Variants in TEX19 observed in about 807,000 individuals in gnomAD.
TEX19 encodes the protein testis expressed 19, also known as testis-expressed protein 19.
For missense variants in TEX19, 184 were observed against 194.4 expected (o/e 0.95, Z 0.32); for synonymous variants, 77 against 73.9 (o/e 1.04, Z -0.21).
chr17:82,360,540 T>C (rs1444545997), intron 1 of TEX19, among the ~76,000 whole-genome samples: 5 of 65,440 alleles, frequency 7.6e-5, no homozygotes, highest in East Asian at 6.1e-4. Context: ...CCAGTTTCCC[T>C]CAGTTTCCCC....
At chr17:82,360,288 C>T (rs1415564697) in intron 1 of TEX19, among the ~76,000 whole-genome samples, 18 of 98,526 alleles carry the variant, frequency 1.8e-4, no homozygotes, top group African/African-American at 3.5e-4. Context: ...CCAGTTTCCC[C>T]CAGTTTCCCT....
chr17:82,359,539 GTTCCCTCAGTTTCCCTCAAGT>G (rs2052358340), intron 1 of TEX19, among the ~76,000 whole-genome samples: 2 of 100,574 alleles, frequency 2.0e-5, no homozygotes, highest in South Asian at 4.0e-4. Flanking sequence ...TTTCCCTCAG[GTTCCCTCAGTTTCCCTCAAGT>G]TTCCCTCAGT....
At position 82,362,165 on chromosome 17, in the gene TEX19, C is replaced by A; in HGVS notation, c.15C>A (p.Val5=). 6.2e-7 allele frequency: 1 copy of A among 1,608,938 alleles called. No individual in the cohort carries two copies. Among genetic ancestry groups the A allele is most frequent in the South Asian group, 1.1e-5 (1 of 90,452 alleles). Residue 5 remains valine (V), a synonymous_variant, in exon 2 of 2, where the codon GTC becomes GTA. Transcript: ENST00000333437. The surrounding 1 kb of genome is among the most constrained non-coding windows in gnomAD (Gnocchi z 5.5). MCPP[V]SMRYEEEGMS... ...GCAGCCTGGCCATGTGCCCTCCGGT[C>A]AGCATGCGGTATGAGGAAGAGGGCA...
Position 82,362,556 on chromosome 17 carries a change from C to A in TEX19, c.406C>A (p.Leu136Ile), listed in dbSNP as rs183087726. The A allele has an allele frequency of 1.9e-6, 3 of 1,611,514 alleles. No individual in the cohort carries two copies. The highest frequency in any genetic ancestry group is 1.7e-5 in the Admixed American group (1 of 59,752). Residue 136 changes from leucine to isoleucine, a missense_variant, in exon 2 of 2, where the codon CTT becomes ATT. By Grantham distance (5) the Leu-to-Ile change is conservative. Coordinates refer to ENST00000333437, the MANE Select transcript of TEX19 (RefSeq NM_207459.4). The surrounding 1 kb of genome is among the most constrained non-coding windows in gnomAD (Gnocchi z 5.5). ...PQEAVPLGLG[L>I]EDADWTQGLP... The stretch of plus-strand genomic sequence containing the variant: ...GGAGGCTGTGCCCCTGGGCCTGGGC[C>A]TTGAGGATGCTGACTGGACCCAGGG...
chr17:82,361,004 C>T (rs1419925219), intron 1 of TEX19, among the ~76,000 whole-genome samples: 2 of 119,914 alleles, frequency 1.7e-5, no homozygotes, highest in Non-Finnish European at 1.8e-5. Context: ...CCCAGTTTCC[C>T]TCAGGTTCCC....
chr17:82,360,772 CT>C (rs1173748356), intron 1 of TEX19, among the ~76,000 whole-genome samples: 8 of 105,852 alleles, frequency 7.6e-5, no homozygotes, highest in Non-Finnish European at 1.0e-4. Context: ...CCCAGTTTCC[CT>C]CAAGTTTCCC....
At chr17:82,361,010 T>C (rs1169624869) in intron 1 of TEX19, among the ~76,000 whole-genome samples, 1 of 119,516 alleles carries the variant, frequency 8.4e-6, no homozygotes, top group Non-Finnish European at 1.8e-5. Flanking sequence ...TTCCCTCAGG[T>C]TCCCTCAGTT....
rs772130130 is a variant in TEX19, at chr17:82,362,565, G to T, written c.415G>T (p.Ala139Ser). Residue 139 changes from alanine (A) to serine (S), a missense_variant, in exon 2 of 2, where the codon GCT (alanine) becomes TCT (serine). By Grantham distance (99) the Ala-to-Ser change is moderately conservative. Coordinates refer to ENST00000333437, the MANE Select transcript of TEX19 (RefSeq NM_207459.4). The surrounding 1 kb of genome is among the most constrained non-coding windows in gnomAD (Gnocchi z 5.5). ...AVPLGLGLEDADWTQGLPWRF... is the reference protein window; with the variant it reads ...AVPLGLGLEDSDWTQGLPWRF... ...GCCCCTGGGCCTGGGCCTTGAGGAT[G>T]CTGACTGGACCCAGGGTCTTCCCTG... 6.2e-7 allele frequency: 1 copy of T among 1,610,244 alleles called. No homozygotes were observed. Among genetic ancestry groups the T allele is most frequent in the Non-Finnish European group, 8.5e-7 (1 of 1,178,894 alleles).
At chr17:82,359,958 TTTCCCTCAGG>T (rs1320505328) in intron 1 of TEX19, among the ~76,000 whole-genome samples, 29 of 123,022 alleles carry the variant, frequency 2.4e-4, no homozygotes, top group Non-Finnish European at 3.5e-4. Context: ...GTTCCCCCAG[TTTCCCTCAGG>T]TTCCCTCAGT....
In TEX19 at chr17:82,361,932, A is replaced by C; in HGVS notation, c.-219A>C. The C allele has an allele frequency of 1.3e-6, 1 of 747,904 alleles. No individual in the cohort carries two copies. Among genetic ancestry groups the C allele is most frequent in the Non-Finnish European group, 2.0e-6 (1 of 496,300 alleles). The allele number at this position is 747,904 out of a possible 1,614,324, so 46.3% of individuals were successfully genotyped here. A position where few individuals can be genotyped will look rare whatever the true frequency, so the allele number is the denominator to read the frequency against. ...AGCTGAAGACATTTCCAGAAGTTCA[A>C]GCTTCCACCCTCTGCAGGTCCCCAC... On this transcript the variant is annotated 5_prime_UTR_variant, in exon 2 of 2. Transcript: ENST00000333437.
intron 1 of TEX19, among the ~76,000 whole-genome samples, chr17:82,360,625 T>G (rs1384835646): frequency 3.2e-3 from 370 of 116,476 alleles, no homozygotes; most frequent in Non-Finnish European, 3.9e-3. Context: ...GTTCCCTCAG[T>G]TTCCCTCAGG....
chr17:82,359,811 C>T (rs1025642967), intron 1 of TEX19, among the ~76,000 whole-genome samples: 8 of 127,670 alleles, frequency 6.3e-5, no homozygotes, highest in South Asian at 2.7e-4. Flanking sequence ...TCAGTTTCCC[C>T]CAGTTTCCCT....
chr17:82,361,530 G>GTTCCCTCAGTTTCCCCCAGT (rs2052393959), intron 1 of TEX19: 2 of 755,660 alleles, frequency 2.6e-6, no homozygotes, highest in African/African-American at 2.7e-5. Flanking sequence ...TTTCCCTCAG[G>GTTCCCTCAGTTTCCCCCAGT]TTCCCCCAGT....
Position 82,362,467 on chromosome 17 carries a change from C to T in TEX19, c.317C>T (p.Ala106Val). 1.2e-6 allele frequency: 2 copies of T among 1,612,718 alleles called. No homozygotes were observed. Among genetic ancestry groups the T allele is most frequent in the Non-Finnish European group, 1.7e-6 (2 of 1,179,822 alleles). ...TGGGGGCCAGGGACCCTGGCAGCAG[C>T]CCCAGAAGGGTTGGAAGATGCAGGT... The part of the protein sequence containing the change: ...EAWGPGTLAA[A>V]PEGLEDAGLD... The change falls in exon 2 of 2, where the codon GCC becomes GTC. Residue 106 changes from alanine to valine, a missense_variant. By Grantham distance (64) the Ala-to-Val change is moderately conservative. Transcript: ENST00000333437. This position sits in a 1 kb window ranked among gnomAD's most constrained non-coding sequence, Gnocchi z 5.5.
Position 82,362,976 on chromosome 17 carries a change from G to A in TEX19, c.*331G>A, listed in dbSNP as rs1405647528. 1.2e-5 allele frequency: 3 copies of A among 247,818 alleles called. No individual in the cohort carries two copies. The highest frequency in any genetic ancestry group is 1.9e-4 in the East Asian group (2 of 10,806). The allele number at this position is 247,818 out of a possible 1,614,324, so 15.4% of individuals were successfully genotyped here. On this transcript the variant is annotated 3_prime_UTR_variant, in exon 2 of 2. Transcript: ENST00000333437. The surrounding 1 kb of genome is among the most constrained non-coding windows in gnomAD (Gnocchi z 5.5). ...AGGACACAGGGCAGAGCTGGTCCCT[G>A]CAGCCTCAGCCCTGCAGAAGAGGAT...
chr17:82,362,606 T>G lies in TEX19; in HGVS notation c.456T>G (p.Leu152=). ...TQGLPWRFEE[L]LTCSHWPSFF... is the part of the protein sequence containing the mutation. ...GTCTTCCCTGGAGATTTGAGGAGCT[T>G]CTTACCTGCTCACACTGGCCAAGCT... The change falls in exon 2 of 2, where the codon CTT becomes CTG. Residue 152 remains leucine (L), a synonymous_variant. Transcript: ENST00000333437. The surrounding 1 kb of genome is among the most constrained non-coding windows in gnomAD (Gnocchi z 5.5). 6.3e-7 allele frequency: 1 copy of G among 1,577,566 alleles called. No homozygotes were observed. The highest frequency in any genetic ancestry group is 8.6e-7 in the Non-Finnish European group (1 of 1,167,000).
chr17:82,362,991 C>T lies in TEX19; in HGVS notation c.*346C>T. On this transcript the variant is annotated 3_prime_UTR_variant, in exon 2 of 2. Coordinates refer to ENST00000333437, the MANE Select transcript of TEX19 (RefSeq NM_207459.4). The surrounding 1 kb of genome is among the most constrained non-coding windows in gnomAD (Gnocchi z 5.5). Reference sequence around the variant, plus strand: ...GCTGGTCCCTGCAGCCTCAGCCCTGCAGAAGAGGATTCACCATAGTCTCTT... The same window carrying T: ...GCTGGTCCCTGCAGCCTCAGCCCTGTAGAAGAGGATTCACCATAGTCTCTT... 4.5e-6 allele frequency: 1 copy of T among 224,622 alleles called. No individual in the cohort carries two copies. Among genetic ancestry groups the T allele is most frequent in the Non-Finnish European group, 9.5e-6 (1 of 105,216 alleles). The allele number at this position is 224,622 out of a possible 1,614,324, so 13.9% of individuals were successfully genotyped here. A position where few individuals can be genotyped will look rare whatever the true frequency, so the allele number is the denominator to read the frequency against.
In TEX19 at chr17:82,361,515, C is replaced by T. The variant is rs111516751; in HGVS notation, c.-271-365C>T. The stretch of plus-strand genomic sequence containing the variant: ...GTTCCCCCAGTTTCCCTCAGTTTCC[C>T]CCAGTTTCCCTCAGGTTCCCCCAGT... On this transcript the variant is annotated intron_variant, in intron 1 of 1. Transcript: ENST00000333437. 2.4e-5 allele frequency: 16 copies of T among 678,648 alleles called. No homozygotes were observed. In the African/African-American group the frequency reaches 3.2e-4, roughly 14 times the overall value. The allele number at this position is 678,648 out of a possible 1,614,324, so 42.0% of individuals were successfully genotyped here. A position where few individuals can be genotyped will look rare whatever the true frequency, so the allele number is the denominator to read the frequency against.
At chr17:82,360,882 CCTCAGTTTCCCCCAGTTTCCCTCA>C (rs2052383544) in intron 1 of TEX19, among the ~76,000 whole-genome samples, 3 of 140,808 alleles carry the variant, frequency 2.1e-5, no homozygotes, top group African/African-American at 8.1e-5. Context: ...CCTCAGGTTC[CCTCAGTTTCCCCCAGTTTCCCTCA>C]AGTTTCCCTC....
Sources: gnomAD v4.1 joint callset for allele counts (sites outside exome capture counted in the v4.1 genomes callset) on GRCh38, gnomAD v4.1.1 for gene constraint, Gnocchi (gnomAD v3.1) non-coding constraint, MANE v1.5 for transcripts, NCBI Gene and HGNC (gene_info 2026-07-23, HGNC 2026-07-21) for gene names.